PRKD1: variants seen among roughly 807,000 people sequenced by gnomAD.
The protein encoded by PRKD1 is protein kinase D1.
In PRKD1, 63 loss-of-function variants were observed where a neutral mutation model predicts 95.9. That is an observed-to-expected ratio of 0.66 (90% CI 0.54 to 0.81). PRKD1 has a LOEUF of 0.81. PRKD1 is among the 30% of genes least tolerant of loss of function. PRKD1 has a pLI of 0.00. For missense variants in PRKD1, 1,048 were observed against 1,165.3 expected, an observed-to-expected ratio of 0.90 and a Z score of 1.47; for synonymous variants, 425 against 423.1, an observed-to-expected ratio of 1.00 and a Z score of -0.05.
At chr14:29,683,044 C>A (rs1193601691) in intron 2 of PRKD1, among the ~76,000 whole-genome samples, 2 of 152,132 alleles carry the variant, frequency 1.3e-5, no homozygotes, top group Non-Finnish European at 2.9e-5. Flanking sequence ...AACGGGAAAG[C>A]ACTGGAGGCT....
chr14:29,592,910 T>A (rs1004696485), intron 16 of PRKD1, among the ~76,000 whole-genome samples: 3 of 152,178 alleles, frequency 2.0e-5, no homozygotes, highest in African/African-American at 7.2e-5. Flanking sequence ...GAAAGCATTT[T>A]AAAAATTTAA....
intron 1 of PRKD1, among the ~76,000 whole-genome samples, chr14:29,777,479 G>T (rs1181767695): frequency 6.6e-6 from 1 of 152,110 alleles, no homozygotes; most frequent in Non-Finnish European, 1.5e-5. Context: ...ACAAAAAAAA[G>T]CAGGGGTTGC....
chr14:29,589,087 T>G (rs544175319), intron 16 of PRKD1, among the ~76,000 whole-genome samples: 1 of 152,096 alleles, frequency 6.6e-6, no homozygotes, highest in Non-Finnish European at 1.5e-5. Context: ...TAAAGGAATA[T>G]GAAAACTCAG....
intron 4 of PRKD1, chr14:29,657,263 T>C (rs780019247): frequency 4.6e-5 from 7 of 152,232 alleles, no homozygotes; most frequent in Non-Finnish European, 8.8e-5. Flanking sequence ...TAATTTATAT[T>C]GAATATGTTC....
At chr14:29,665,545 G>T (rs931606473) in intron 3 of PRKD1, among the ~76,000 whole-genome samples, 1 of 152,128 alleles carries the variant, frequency 6.6e-6, no homozygotes. Flanking sequence ...CCAAGTTGCT[G>T]CAAAAGACAT....
intron 16 of PRKD1, among the ~76,000 whole-genome samples, chr14:29,583,602 C>T (rs967492503): frequency 2.0e-5 from 3 of 152,098 alleles, no homozygotes; most frequent in Non-Finnish European, 4.4e-5. Flanking sequence ...TGCTTAAGCT[C>T]AATCCTCTCC....
intron 2 of PRKD1, among the ~76,000 whole-genome samples, chr14:29,694,684 G>A (rs1173804258): frequency 6.6e-6 from 1 of 152,138 alleles, no homozygotes; most frequent in Non-Finnish European, 1.5e-5. Flanking sequence ...GCAAGAAGTG[G>A]GGGATGGGAA....
intron 13 of PRKD1, among the ~76,000 whole-genome samples, chr14:29,617,402 T>C (rs1207437716): frequency 1.3e-5 from 2 of 152,324 alleles, no homozygotes; most frequent in East Asian, 3.9e-4. Context: ...GAAGAGAATA[T>C]AAACCAGAAA....
At chr14:29,688,948 C>CAAA (rs377212196) in intron 2 of PRKD1, among the ~76,000 whole-genome samples, 420 of 32,546 alleles carry the variant, frequency 0.013, no homozygotes, top group Middle Eastern at 0.033. Context: ...GACTCCGTCT[C>CAAA]AAAAAAAAAA....
chr14:29,743,933 C>G (rs1887097358), intron 1 of PRKD1, among the ~76,000 whole-genome samples: 2 of 152,206 alleles, frequency 1.3e-5, no homozygotes, highest in African/African-American at 4.8e-5. Context: ...CTGGCTATCA[C>G]TTTTTAGTCA....
At chr14:29,827,076 G>A (rs1891225237) in intron 1 of PRKD1, among the ~76,000 whole-genome samples, 1 of 150,830 alleles carries the variant, frequency 6.6e-6, no homozygotes, top group Non-Finnish European at 1.5e-5. Context: ...GGACTCTGGG[G>A]AAAGGGCGGG....
At chr14:29,846,745 T>C (rs994025399) in intron 1 of PRKD1, among the ~76,000 whole-genome samples, 1 of 152,120 alleles carries the variant, frequency 6.6e-6, no homozygotes, top group African/African-American at 2.4e-5. Context: ...AGTTAGCTGG[T>C]TGACTGGCAG....
intron 1 of PRKD1, among the ~76,000 whole-genome samples, chr14:29,760,340 T>G (rs866930270): frequency 8.6e-5 from 13 of 150,404 alleles, no homozygotes; most frequent in Middle Eastern, 3.2e-3. Context: ...CTATCTGAAA[T>G]TTTCTCAACT....
At position 29,577,187 on chromosome 14, in the gene PRKD1, G is replaced by A. The variant is rs781764951; in HGVS notation, c.*51C>T. The A allele has an allele frequency of 1.9e-5, 30 of 1,541,326 alleles. No individual in the cohort carries two copies. In the East Asian group the frequency reaches 3.2e-4, roughly 16 times the overall value. On this transcript the variant is annotated 3_prime_UTR_variant, in exon 18 of 18. Transcript: ENST00000331968. ...TGCAAGGCAAATGTTAAACCTGACC[G>A]TATGTATTTATTAGTTCCACAGTGT...
chr14:29,897,560 T>C (rs975864694), intron 1 of PRKD1, among the ~76,000 whole-genome samples: 14 of 152,150 alleles, frequency 9.2e-5, no homozygotes, highest in Admixed American at 1.3e-4. Context: ...TTTATGAAAT[T>C]ATTTGTGTCA....
chr14:29,900,433 G>A (rs1894282454), intron 1 of PRKD1, among the ~76,000 whole-genome samples: 1 of 152,020 alleles, frequency 6.6e-6, no homozygotes, highest in Admixed American at 6.5e-5. Flanking sequence ...AAAAGGTAAA[G>A]CATATCACTA....
chr14:29,763,323 AAAAG>A (rs1888090716), intron 1 of PRKD1, among the ~76,000 whole-genome samples: 1 of 131,600 alleles, frequency 7.6e-6, no homozygotes, highest in East Asian at 2.2e-4. Flanking sequence ...AAAAAAAGAA[AAAAG>A]AAGGAAGGAA....
chr14:29,819,977 A>G (rs1213504555), intron 1 of PRKD1, among the ~76,000 whole-genome samples: 3 of 152,218 alleles, frequency 2.0e-5, no homozygotes, highest in Admixed American at 6.5e-5. Flanking sequence ...GTAGACTGTC[A>G]CAGACATTCA....
chr14:29,832,215 C>A (rs925759887), intron 1 of PRKD1, among the ~76,000 whole-genome samples: 1 of 152,164 alleles, frequency 6.6e-6, no homozygotes, highest in African/African-American at 2.4e-5. Context: ...ACCACCACCA[C>A]CAAAACTTCT....
Sources: allele counts gnomAD v4.1 joint callset (sites outside exome capture counted in the v4.1 genomes callset), GRCh38; gene constraint gnomAD v4.1.1; transcripts MANE v1.5; gene names NCBI Gene and HGNC (gene_info 2026-07-23, HGNC 2026-07-21).